PLB1: variants seen among roughly 807,000 people sequenced by gnomAD.
PLB1 encodes phospholipase B1, also known as phospholipase B1, membrane-associated.
A neutral mutation model predicts 227.4 loss-of-function variants in PLB1; 242 were observed. That is an observed-to-expected ratio of 1.06 (90% CI 0.96 to 1.18). The LOEUF (loss-of-function observed/expected upper bound fraction) is 1.18. Among genes scored for constraint, PLB1 ranks in the 50% most tolerant of loss-of-function variants. The pLI, the probability that PLB1 is intolerant of heterozygous loss-of-function variation, is 0.00. For missense variants in PLB1, 1,858 were observed against 1,816.3 expected, an observed-to-expected ratio of 1.02 and a Z score of -0.42; for synonymous variants, 757 against 682.2, an observed-to-expected ratio of 1.11 and a Z score of -1.71.
At chr2:28,610,910 C>A (rs994390404) in intron 43 of PLB1, among the ~76,000 whole-genome samples, 1 of 152,140 alleles carries the variant, frequency 6.6e-6, no homozygotes, top group African/African-American at 2.4e-5. Context: ...CACGGGGGCT[C>A]CAAATCTAGC....
chr2:28,618,470 C>T, intron 46 of PLB1, 71 bp downstream of exon 46: 4 of 1,486,730 alleles, frequency 2.7e-6, no homozygotes, highest in Non-Finnish European at 2.8e-6. Context: ...ATCTGTGCTT[C>T]CCCAGCATTG....
At chr2:28,597,978 A>T in intron 33 of PLB1, 27 bp from the exon 34 acceptor site, 1 of 1,605,552 alleles carries the variant, frequency 6.2e-7, no homozygotes, top group Non-Finnish European at 8.5e-7. Flanking sequence ...TCTCCCTCTC[A>T]TTCACTGGCT....
rs536476788 is a variant in PLB1 at position 28,554,489 on chromosome 2, CTTTTTTTTT to C, written c.1147+1519_1147+1527del. 1.2e-3 allele frequency among the ~76,000 whole-genome samples: 100 copies of C among 85,472 alleles called. 2 individuals are homozygous for C. Among genetic ancestry groups the C allele is most frequent in the African/African-American group, 4.2e-3 (79 of 18,760 alleles). 56.1% of individuals were successfully genotyped at this position (85,472 alleles called of 152,430 possible). A position where few individuals can be genotyped will look rare whatever the true frequency, so the allele number is the denominator to read the frequency against. ...CTACAGGCATTATCACCACACCTGC[CTTTTTTTTT>C]TTTTTTTTTTTTTTTTTTTTAAGAG... On this transcript the variant is annotated intron_variant, in intron 17 of 57. Coordinates refer to ENST00000327757, the MANE Select transcript of PLB1 (RefSeq NM_153021.5).
intron 4 of PLB1, among the ~76,000 whole-genome samples, chr2:28,521,368 G>A (rs183559453): frequency 6.6e-6 from 1 of 152,290 alleles, no homozygotes; most frequent in Non-Finnish European, 1.5e-5. Context: ...ATTTTCCATA[G>A]TGACTGCACT....
At position 28,606,579 on chromosome 2, in the gene PLB1, G is replaced by A; in HGVS notation, c.3129+12G>A. ...CCTGTCCCACTCAGGTAGTAGGGGA[G>A]GACCTGCCTGGCTCCTCTCCACAAA... On this transcript the variant is annotated intron_variant, in intron 43 of 57. Coordinates refer to ENST00000327757, the MANE Select transcript of PLB1 (RefSeq NM_153021.5). The A allele has an allele frequency of 5.6e-6, 9 of 1,612,894 alleles. No homozygotes were observed. Among genetic ancestry groups the A allele is most frequent in the Non-Finnish European group, 6.8e-6 (8 of 1,178,922 alleles).
At chr2:28,538,217 T>G (rs2148203342) in intron 9 of PLB1, 102 bp from the exon 10 acceptor site, 2 of 1,406,930 alleles carry the variant, frequency 1.4e-6, no homozygotes, top group Non-Finnish European at 2.0e-6. Flanking sequence ...TGCCTTTGCC[T>G]GTGGTCTTGC....
intron 44 of PLB1, among the ~76,000 whole-genome samples, chr2:28,617,370 G>A (rs767694057): frequency 2.0e-5 from 3 of 152,162 alleles, no homozygotes; most frequent in Non-Finnish European, 4.4e-5. Flanking sequence ...TCCAAATGCT[G>A]TGTTCCTTTG....
At chr2:28,589,819 A>T in intron 28 of PLB1, 49 bp downstream of exon 28, 1 of 1,560,264 alleles carries the variant, frequency 6.4e-7, no homozygotes, top group Non-Finnish European at 8.8e-7. Context: ...TAAGAAAAAG[A>T]CTTCACAAAG....
Position 28,640,830 on chromosome 2 carries a change from G to A in PLB1, c.4099-97G>A, listed in dbSNP as rs377022133. On this transcript the variant is annotated intron_variant, in intron 56 of 57. Coordinates refer to ENST00000327757, the MANE Select transcript of PLB1 (RefSeq NM_153021.5). ...TTCGCTGGTTTCTATCCCCCACCCC[G>A]TTCCCGAGGGAGGGGCTCTGGTGTG... 1.8e-4 allele frequency: 233 copies of A among 1,287,364 alleles called. 1 individual carries two copies. In the South Asian group the frequency reaches 2.4e-3, roughly 13 times the overall value. The allele number at this position is 1,287,364 out of a possible 1,614,324, so 79.7% of individuals were successfully genotyped here.
Position 28,629,167 on chromosome 2 carries a change from G to A in PLB1, c.3800G>A (p.Cys1267Tyr). The change falls in exon 53 of 58, where the codon TGT (cysteine) becomes TAT (tyrosine). Residue 1267 changes from cysteine (C) to tyrosine (Y), a missense_variant. Cys to Tyr is a radical substitution (Grantham distance 194). Coordinates refer to ENST00000327757, the MANE Select transcript of PLB1 (RefSeq NM_153021.5). ...CTGTACCAGGGCCAAGGCGGGAAAT[G>A]TGCCATGCTGGCAGCTCAGTAAGTG... ...ASLYQGQGGK[C>Y]AMLAAQNNCT... 6.2e-7 allele frequency: 1 copy of A among 1,613,822 alleles called. No individual in the cohort carries two copies. Among genetic ancestry groups the A allele is most frequent in the South Asian group, 1.1e-5 (1 of 91,012 alleles).
chr2:28,502,473 A>C (rs1667212036), intron 1 of PLB1, among the ~76,000 whole-genome samples: 1 of 152,172 alleles, frequency 6.6e-6, no homozygotes, highest in East Asian at 1.9e-4. Flanking sequence ...GTATAGAAAT[A>C]ATCATATGAT....
intron 46 of PLB1, among the ~76,000 whole-genome samples, chr2:28,619,316 C>T (rs1686656301): frequency 6.6e-6 from 1 of 152,096 alleles, no homozygotes; most frequent in Non-Finnish European, 1.5e-5. Flanking sequence ...AATGTGTTTC[C>T]ATTTTGGCAT....
intron 1 of PLB1, among the ~76,000 whole-genome samples, chr2:28,512,478 T>G (rs1233704210): frequency 6.6e-6 from 1 of 152,212 alleles, no homozygotes; most frequent in Non-Finnish European, 1.5e-5. Flanking sequence ...CATCTGGGAC[T>G]GGTGTTTCAT....
chr2:28,582,767 C>T (rs531217484), intron 25 of PLB1, among the ~76,000 whole-genome samples: 51 of 152,302 alleles, frequency 3.3e-4, no homozygotes, highest in African/African-American at 1.2e-3. Context: ...AGGCACCCTC[C>T]AGGCCTCCAG....
chr2:28,581,921 A>G, intron 23 of PLB1, 147 bp from the exon 24 acceptor site: 1 of 649,890 alleles, frequency 1.5e-6, no homozygotes, highest in Non-Finnish European at 2.6e-6. Context: ...TGATCACACC[A>G]CTGCACTCCA....
At chr2:28,557,157 C>T (rs1675269632) in intron 17 of PLB1, among the ~76,000 whole-genome samples, 1 of 152,196 alleles carries the variant, frequency 6.6e-6, no homozygotes, top group South Asian at 2.1e-4. Context: ...CGAGTTCAAA[C>T]TCCCCCAAGA....
At chr2:28,593,913 T>G in intron 33 of PLB1, 159 bp downstream of exon 33, 1 of 748,344 alleles carries the variant, frequency 1.3e-6, no homozygotes, top group Admixed American at 2.0e-5. Flanking sequence ...TGTGAACATT[T>G]GGTGAGTGGA....
At chr2:28,617,453 T>C (rs756480276) in intron 44 of PLB1, among the ~76,000 whole-genome samples, 6 of 152,192 alleles carry the variant, frequency 3.9e-5, no homozygotes, top group Non-Finnish European at 7.3e-5. Flanking sequence ...ATTCAAAGCA[T>C]AGATATATGG....
intron 6 of PLB1, among the ~76,000 whole-genome samples, chr2:28,527,553 C>T (rs954797949): frequency 1.2e-4 from 18 of 152,222 alleles, no homozygotes; most frequent in Non-Finnish European, 2.1e-4. Context: ...GATCTCCAAA[C>T]GTAGCCATGC....
Sources: gnomAD v4.1 joint callset for allele counts (sites outside exome capture counted in the v4.1 genomes callset) on GRCh38, gnomAD v4.1.1 for gene constraint, MANE v1.5 for transcripts, NCBI Gene and HGNC (gene_info 2026-07-23, HGNC 2026-07-21) for gene names.